CAMK1D: variants seen among roughly 807,000 people sequenced by gnomAD.
CAMK1D encodes the protein calcium/calmodulin dependent protein kinase ID.
CAMK1D carries 9 observed loss-of-function variants against 47.7 expected under a neutral mutation model. That is an observed-to-expected ratio of 0.19 (90% confidence interval 0.11 to 0.33). The LOEUF is 0.33. CAMK1D is among the 10% of genes least tolerant of loss of function. The pLI, the probability that CAMK1D is intolerant of heterozygous loss-of-function variation, is 1.00. For synonymous variants in CAMK1D, 184 were observed against 184.9 expected, an observed-to-expected ratio of 0.99 and a Z score of 0.04; for missense variants, 291 against 488.7, an observed-to-expected ratio of 0.60 and a Z score of 3.81.
intron 2 of CAMK1D, among the ~76,000 whole-genome samples, chr10:12,587,433 T>G (rs1837851690): frequency 6.6e-6 from 1 of 152,060 alleles, no homozygotes; most frequent in Non-Finnish European, 1.5e-5. Flanking sequence ...CCACAGTGAC[T>G]TAGCAGCTTT....
rs1465024096 is a variant in CAMK1D at position 12,535,851 on chromosome 10, T to C, written c.93-17374T>C. ...CAAGTGTAGAATTTCCATCTTCTCA[T>C]TGAATCTTTTCATAACCCCATGGAG... On this transcript the variant is annotated intron_variant, in intron 1 of 10. Transcript: ENST00000619168. 3.3e-5 allele frequency among the ~76,000 whole-genome samples: 5 copies of C among 152,200 alleles called. No individual in the cohort carries two copies. The East Asian group carries it at 7.7e-4, about 23-fold the overall frequency.
intron 2 of CAMK1D, among the ~76,000 whole-genome samples, chr10:12,612,275 G>T (rs779122852): frequency 1.3e-5 from 2 of 151,584 alleles, no homozygotes; most frequent in Non-Finnish European, 2.9e-5. Flanking sequence ...GAGAGGGAAG[G>T]TTTCATATTC....
At chr10:12,821,647 T>G (rs945436107) in intron 8 of CAMK1D, among the ~76,000 whole-genome samples, 1 of 152,220 alleles carries the variant, frequency 6.6e-6, no homozygotes, top group Non-Finnish European at 1.5e-5. Context: ...TGTGATTACG[T>G]AAATGCTATC....
chr10:12,699,745 A>C (rs10906210), intron 3 of CAMK1D, among the ~76,000 whole-genome samples: 1 of 151,928 alleles, frequency 6.6e-6, no homozygotes, highest in African/African-American at 2.4e-5. Flanking sequence ...TGTTAAAACA[A>C]GTTATTCATT....
At chr10:12,717,731 GAA>G (rs11289567) in intron 3 of CAMK1D, among the ~76,000 whole-genome samples, 1,364 of 121,110 alleles carry the variant, frequency 0.011, 31 homozygotes, top group African/African-American at 0.033. Flanking sequence ...ACAAAAAATT[GAA>G]AAAAAAAAAA....
chr10:12,584,057 C>T (rs926519082), intron 2 of CAMK1D, among the ~76,000 whole-genome samples: 1 of 152,060 alleles, frequency 6.6e-6, no homozygotes, highest in Non-Finnish European at 1.5e-5. Flanking sequence ...ACCTATATTC[C>T]TTTTTATCTT....
At chr10:12,477,812 G>A (rs1034164687) in intron 1 of CAMK1D, among the ~76,000 whole-genome samples, 2 of 152,130 alleles carry the variant, frequency 1.3e-5, no homozygotes, top group Non-Finnish European at 2.9e-5. Flanking sequence ...CACCGTGTTT[G>A]GCTGCGGGGA....
intron 1 of CAMK1D, among the ~76,000 whole-genome samples, chr10:12,539,089 A>G (rs942838350): frequency 6.6e-6 from 1 of 152,060 alleles, no homozygotes; most frequent in Admixed American, 6.6e-5. Context: ...TTAGATTGTA[A>G]CTTACTTAAC....
At chr10:12,805,775 C>A (rs1838701882) in intron 6 of CAMK1D, among the ~76,000 whole-genome samples, 1 of 152,232 alleles carries the variant, frequency 6.6e-6, no homozygotes. Flanking sequence ...GTTGGGGTGG[C>A]AGTCCTTGAA....
At chr10:12,505,877 CT>C (rs1564378309) in intron 1 of CAMK1D, among the ~76,000 whole-genome samples, 1 of 152,130 alleles carries the variant, frequency 6.6e-6, no homozygotes, top group Non-Finnish European at 1.5e-5. Flanking sequence ...CCTCCTCCTC[CT>C]CCTCCCTTGT....
At chr10:12,452,162 A>G (rs2132034826) in intron 1 of CAMK1D, among the ~76,000 whole-genome samples, 1 of 152,324 alleles carries the variant, frequency 6.6e-6, no homozygotes, top group East Asian at 1.9e-4. Flanking sequence ...AGAGCAGCGT[A>G]TGGAACCCGA....
intron 1 of CAMK1D, among the ~76,000 whole-genome samples, chr10:12,430,549 G>C (rs1183900105): frequency 6.6e-6 from 1 of 152,218 alleles, no homozygotes. Context: ...ACACACCAGA[G>C]TCTGAGAACG....
chr10:12,654,862 A>G (rs1840074999), intron 2 of CAMK1D, among the ~76,000 whole-genome samples: 1 of 152,232 alleles, frequency 6.6e-6, no homozygotes, highest in Non-Finnish European at 1.5e-5. Context: ...TTAGTAATAA[A>G]TGACTTACCA....
chr10:12,606,951 C>T (rs1838479684), intron 2 of CAMK1D, among the ~76,000 whole-genome samples: 1 of 152,112 alleles, frequency 6.6e-6, no homozygotes, highest in South Asian at 2.1e-4. Context: ...CCTCAGCCTC[C>T]CTAGTAGCTG....
chr10:12,658,318 T>C (rs975059839), intron 2 of CAMK1D, among the ~76,000 whole-genome samples: 1 of 150,550 alleles, frequency 6.6e-6, no homozygotes, highest in African/African-American at 2.5e-5. Flanking sequence ...AAGGTGTGCA[T>C]GGCTGGGGAG....
chr10:12,396,170 G>T (rs550689250), intron 1 of CAMK1D, among the ~76,000 whole-genome samples: 1 of 152,220 alleles, frequency 6.6e-6, no homozygotes, highest in Non-Finnish European at 1.5e-5. Flanking sequence ...CACTGTGCCT[G>T]GTCAAAAGAG....
chr10:12,755,514 C>A (rs912143166), intron 3 of CAMK1D, among the ~76,000 whole-genome samples: 9 of 152,190 alleles, frequency 5.9e-5, no homozygotes, highest in Admixed American at 5.2e-4. Flanking sequence ...TGGGTATATA[C>A]CCAGTAATGG....
In CAMK1D at chr10:12,829,247, AG is replaced by A. The variant is rs1247620947; in HGVS notation, c.*362del. On this transcript the variant is annotated 3_prime_UTR_variant, in exon 11 of 11. Transcript: ENST00000619168. ...TTTTTCATTAATGACAAAAAAAAAA[AG>A]GTTTCAACTGGATTATTTAAATATT... The A allele has an allele frequency of 3.5e-5, 6 of 171,514 alleles. No homozygotes were observed. Among genetic ancestry groups the A allele is most frequent in the Non-Finnish European group, 7.4e-5 (6 of 81,112 alleles). The allele number at this position is 171,514 out of a possible 1,614,324, so 10.6% of individuals were successfully genotyped here.
chr10:12,410,285 G>C (rs1322421884), intron 1 of CAMK1D, among the ~76,000 whole-genome samples: 1 of 151,948 alleles, frequency 6.6e-6, no homozygotes, highest in Non-Finnish European at 1.5e-5. Context: ...GTCTCTTTCT[G>C]TGTGTGTGTG....
Sources: allele counts gnomAD v4.1 joint callset (sites outside exome capture counted in the v4.1 genomes callset), GRCh38; gene constraint gnomAD v4.1.1; transcripts MANE v1.5; gene names NCBI Gene and HGNC (gene_info 2026-07-23, HGNC 2026-07-21).